NUP62CL: variants seen among roughly 807,000 people sequenced by gnomAD.
The protein encoded by NUP62CL is nucleoporin-62 C-terminal-like protein.
A neutral mutation model predicts 15.3 loss-of-function variants in NUP62CL; 13 were observed. The observed-to-expected ratio is 0.85, with a 90% confidence interval of 0.55 to 1.35. NUP62CL has a LOEUF of 1.35. Ranked by LOEUF, NUP62CL falls within the 40% of genes most tolerant of loss-of-function variation. The pLI, the probability that NUP62CL is intolerant of heterozygous loss-of-function variation, is 0.00. For synonymous variants in NUP62CL, 54 were observed against 49.2 expected (o/e 1.10, Z -0.41); for missense variants, 123 against 130.6 (o/e 0.94, Z 0.28).
chrX:107,202,828 C>A (rs1203061585), intron 1 of NUP62CL: 1 of 105,140 alleles, frequency 9.5e-6, no homozygotes, highest in Admixed American at 1.0e-4. Flanking sequence ...AAGCCCAGTC[C>A]CTACCAAAAA....
At chrX:107,161,783 AAAT>A (rs752053207) in intron 4 of NUP62CL, among the ~76,000 whole-genome samples, 9 of 101,887 alleles carry the variant, frequency 8.8e-5, no homozygotes, top group East Asian at 3.0e-4. Context: ...AATTTAAAAA[AAAT>A]AATAATAATA....
At chrX:107,194,740 C>A (rs917553148) in intron 1 of NUP62CL, among the ~76,000 whole-genome samples, 1 of 107,928 alleles carries the variant, frequency 9.3e-6, no homozygotes, top group South Asian at 4.0e-4. Flanking sequence ...ATTAGAAAAA[C>A]GTATAAGCAA....
In NUP62CL at chrX:107,161,347, G is replaced by T. The variant is rs1315591373; in HGVS notation, c.194+6302C>A. Reference sequence around the variant, plus strand: ...CACATGCACACGTATGTTTATTGCGGCATTATTCACAATAGCAAAGACTTG... The same window carrying T: ...CACATGCACACGTATGTTTATTGCGTCATTATTCACAATAGCAAAGACTTG... On this transcript the variant is annotated intron_variant, in intron 4 of 8. Coordinates refer to ENST00000372466, the MANE Select transcript of NUP62CL (RefSeq NM_017681.3). Among the ~76,000 whole-genome samples the T allele has an allele frequency of 1.0e-4, 10 of 99,484 alleles. No individual in the cohort carries two copies. In the East Asian group the frequency reaches 3.1e-3, roughly 31 times the overall value. The allele number at this position is 99,484 out of a possible 115,157, so 86.4% of individuals were successfully genotyped here. A position where few individuals can be genotyped will look rare whatever the true frequency, so the allele number is the denominator to read the frequency against.
chrX:107,195,602 A>T (rs2147817659), intron 1 of NUP62CL, among the ~76,000 whole-genome samples: 1 of 112,297 alleles, frequency 8.9e-6, no homozygotes, highest in African/African-American at 3.2e-5. Context: ...GGTATAAGGG[A>T]AAACTTTCCC....
At chrX:107,182,301 A>G (rs947291032) in intron 2 of NUP62CL, among the ~76,000 whole-genome samples, 2 of 112,145 alleles carry the variant, frequency 1.8e-5, no homozygotes, top group Admixed American at 1.9e-4. Flanking sequence ...TGCCAGTAGC[A>G]TCTCCCTAGT....
At chrX:107,176,598 A>T (rs1222966984) in intron 2 of NUP62CL, among the ~76,000 whole-genome samples, 1 of 109,050 alleles carries the variant, frequency 9.2e-6, no homozygotes, top group Non-Finnish European at 1.9e-5. Flanking sequence ...ATGTTCTCAA[A>T]TTACATAGTG....
chrX:107,124,453 C>T (rs1925341364), intron 8 of NUP62CL, 121 bp from the exon 9 acceptor site: 3 of 300,141 alleles, frequency 1.0e-5, no homozygotes, highest in Admixed American at 9.3e-5. Flanking sequence ...AATAGCTTTA[C>T]GTTTTAGAAA....
chrX:107,196,895 T>C (rs1359883628), intron 1 of NUP62CL, among the ~76,000 whole-genome samples: 1 of 112,668 alleles, frequency 8.9e-6, no homozygotes, highest in African/African-American at 3.2e-5. Context: ...TGTCTGACAC[T>C]GATGTTGCCT....
chrX:107,155,701 G>A (rs183677405), intron 4 of NUP62CL, among the ~76,000 whole-genome samples: 98 of 111,988 alleles, frequency 8.8e-4, no homozygotes, highest in African/African-American at 3.0e-3. Context: ...TATGAAAATA[G>A]GACCTAGACT....
chrX:107,125,243 C>G (rs990069193), intron 8 of NUP62CL, among the ~76,000 whole-genome samples: 1 of 111,667 alleles, frequency 9.0e-6, no homozygotes, highest in Non-Finnish European at 1.9e-5. Context: ...TTCTTTTTCT[C>G]TAGCTTACTT....
chrX:107,198,844 CGA>C (rs1385152089), intron 1 of NUP62CL, among the ~76,000 whole-genome samples: 1 of 112,361 alleles, frequency 8.9e-6, no homozygotes, highest in African/African-American at 3.2e-5. Flanking sequence ...TTGAAGTCAG[CGA>C]GACCAAGAAC....
Position 107,153,417 on chromosome X carries a change from T to C in NUP62CL, c.395+37A>G, listed in dbSNP as rs749037186. 7 of 1,108,810 alleles carry C rather than the reference T, an allele frequency of 6.3e-6. 1 individual carries two copies. The East Asian group carries it at 2.1e-4, about 33-fold the overall frequency. The allele number at this position is 1,108,810 out of a possible 1,213,427, so 91.4% of individuals were successfully genotyped here. On this transcript the variant is annotated intron_variant, in intron 6 of 8. Transcript: ENST00000372466. ...AAAAAACACTGAATAAAAAGATAGG[T>C]CTTTAATCTTTCAACCAAGGAAATC...
At chrX:107,138,247 G>T (rs967099800) in intron 8 of NUP62CL, among the ~76,000 whole-genome samples, 1 of 111,270 alleles carries the variant, frequency 9.0e-6, no homozygotes, top group Non-Finnish European at 1.9e-5. Flanking sequence ...TTGGGGATAT[G>T]GGGCTAGGCA....
intron 1 of NUP62CL, among the ~76,000 whole-genome samples, chrX:107,200,837 T>C (rs193224933): frequency 9.1e-6 from 1 of 109,393 alleles, no homozygotes; most frequent in East Asian, 2.9e-4. Context: ...TGAATAGCAG[T>C]CAAATGCAAA....
Position 107,147,780 on chromosome X carries a change from G to A in NUP62CL, c.*5C>T. On this transcript the variant is annotated 3_prime_UTR_variant, in exon 8 of 9. Coordinates refer to ENST00000372466, the MANE Select transcript of NUP62CL (RefSeq NM_017681.3). ...CAATCCACTGCAGGGAGTCCATATG[G>A]GCATTCAGAATTCTGCAGATCTGGT... The A allele has an allele frequency of 8.3e-7, 1 of 1,198,418 alleles. No homozygotes were observed. Among genetic ancestry groups the A allele is most frequent in the Non-Finnish European group, 1.1e-6 (1 of 884,520 alleles).
In NUP62CL at chrX:107,141,007, G is replaced by A. The variant is rs189878060; in HGVS notation, c.*42+6736C>T. Among the ~76,000 whole-genome samples, 5 of 112,732 alleles carry A rather than the reference G, an allele frequency of 4.4e-5. No individual in the cohort carries two copies. In the Admixed American group the frequency reaches 4.7e-4, roughly 11 times the overall value. ...ACAATATATATTCTGCTATTTGGAA[G>A]TGATTTAAATTATGTTACATATTTC... is the stretch of plus-strand genomic sequence containing the variant. On this transcript the variant is annotated intron_variant, in intron 8 of 8. Coordinates refer to ENST00000372466, the MANE Select transcript of NUP62CL (RefSeq NM_017681.3).
chrX:107,163,202 C>A (rs1036100142), intron 4 of NUP62CL, among the ~76,000 whole-genome samples: 2 of 111,730 alleles, frequency 1.8e-5, no homozygotes, highest in Non-Finnish European at 3.8e-5. Context: ...GAAGAAATGG[C>A]TGAGACAACC....
intron 4 of NUP62CL, among the ~76,000 whole-genome samples, chrX:107,165,687 G>A (rs1926501370): frequency 8.9e-6 from 1 of 111,762 alleles, no homozygotes; most frequent in Non-Finnish European, 1.9e-5. Flanking sequence ...AAATCAATCA[G>A]TGTAATCTAC....
At chrX:107,157,955 C>T (rs1926251484) in intron 4 of NUP62CL, among the ~76,000 whole-genome samples, 1 of 104,366 alleles carries the variant, frequency 9.6e-6, no homozygotes, top group African/African-American at 3.5e-5. Flanking sequence ...AAATGGAAAA[C>T]AAAAAAAGGC....
Sources: allele counts gnomAD v4.1 joint callset (sites outside exome capture counted in the v4.1 genomes callset), GRCh38; gene constraint gnomAD v4.1.1; transcripts MANE v1.5; gene names NCBI Gene and HGNC (gene_info 2026-07-23, HGNC 2026-07-21).